ROS1: variants seen among roughly 807,000 people sequenced by gnomAD.
The protein encoded by ROS1 is ROS proto-oncogene 1, receptor tyrosine kinase, also known as proto-oncogene tyrosine-protein kinase ROS.
Under a neutral mutation model 273.5 loss-of-function variants are expected in ROS1, and 263 were observed. The ratio of observed to expected loss-of-function variants is 0.96; its 90% CI spans 0.87 to 1.06. The LOEUF is 1.06. Among genes scored for constraint, ROS1 ranks in the 50% least tolerant of loss-of-function variants. The pLI is 0.00. For missense variants in ROS1, 2,833 were observed against 2,751.1 expected (o/e 1.03, Z -0.67); for synonymous variants, 1,008 against 954.1 (o/e 1.06, Z -1.04).
rs764751833 is a variant in ROS1, at chr6:117,288,685, C to T, written c.6833G>A (p.Gly2278Asp). ...YMVLATECGQGEEKSEGPLGS... is the reference protein window; with the variant it reads ...YMVLATECGQDEEKSEGPLGS... ...TAGAGGACCCTCAGACTTTTCTTCA[C>T]CTTGGCCACATTCTGTAGCAAGTAC... The change falls in exon 44 of 44, where the codon GGT becomes GAT. Residue 2278 changes from glycine (G) to aspartate (D), a missense_variant. By Grantham distance (94) the Gly-to-Asp change is moderately conservative. Coordinates refer to ENST00000368507, the MANE Select transcript of ROS1 (RefSeq NM_001378902.1). 1 of 1,614,034 alleles carries T rather than the reference C, an allele frequency of 6.2e-7. No homozygotes were observed. The highest frequency in any genetic ancestry group is 8.5e-7 in the Non-Finnish European group (1 of 1,180,034).
chr6:117,402,477 T>C (rs9385010), intron 7 of ROS1, among the ~76,000 whole-genome samples: 90,157 of 152,102 alleles, frequency 0.59, 28,227 homozygotes, highest in African/African-American at 0.81. Context: ...TTTCCAATCC[T>C]CTAAATGACA....
At chr6:117,335,943 A>G (rs909981652) in intron 32 of ROS1, among the ~76,000 whole-genome samples, 3 of 152,152 alleles carry the variant, frequency 2.0e-5, no homozygotes, top group South Asian at 2.1e-4. Context: ...CTGCACATGT[A>G]TCTTATTTTT....
At chr6:117,371,531 T>C (rs1233995716) in intron 18 of ROS1, among the ~76,000 whole-genome samples, 1 of 152,178 alleles carries the variant, frequency 6.6e-6, no homozygotes, top group African/African-American at 2.4e-5. Flanking sequence ...AAGTTCCAGC[T>C]GAACTTTGTA....
intron 4 of ROS1, among the ~76,000 whole-genome samples, chr6:117,411,138 A>T (rs1774870400): frequency 6.6e-6 from 1 of 152,154 alleles, no homozygotes; most frequent in South Asian, 2.1e-4. Flanking sequence ...GGGGAAATCG[A>T]TAATAAAATT....
chr6:117,395,279 T>A (rs1304536546), intron 9 of ROS1, among the ~76,000 whole-genome samples: 3 of 152,202 alleles, frequency 2.0e-5, no homozygotes, highest in African/African-American at 7.2e-5. Context: ...TTAGGGTATT[T>A]AATGAATGTT....
intron 17 of ROS1, among the ~76,000 whole-genome samples, chr6:117,382,302 G>A (rs966981533): frequency 6.6e-6 from 1 of 151,880 alleles, no homozygotes; most frequent in Non-Finnish European, 1.5e-5. Flanking sequence ...TGCAAATCAG[G>A]TCTCTTTAAA....
At position 117,338,572 on chromosome 6, in the gene ROS1, G is replaced by A. The variant is rs185303126; in HGVS notation, c.5062-1232C>T. Among the ~76,000 whole-genome samples, 172 of 151,462 alleles carry A rather than the reference G, an allele frequency of 1.1e-3. 1 individual carries two copies. Among genetic ancestry groups the A allele is most frequent in the African/African-American group, 4.0e-3 (166 of 41,410 alleles). On this transcript the variant is annotated intron_variant, in intron 31 of 43. Transcript: ENST00000368507. ...AAAAGTCTTAACTCTTTATGGTTCT[G>A]TCTCCTTCATTATCTGGTGGAGAAA...
rs138376257 is a variant in ROS1, at chr6:117,310,139, G to T, written c.6358C>A (p.Arg2120=). Residue 2120 remains arginine (R), a synonymous_variant, in exon 41 of 44, where the codon CGG becomes AGG. Transcript: ENST00000368507. ...RKRGEGLLPV[R]WMAPESLMDG... ...ATCAAACTTTCTGGAGCCATCCACC[G>T]AACTGGGAGCAGGCCTTCCCCTCTC... is the stretch of plus-strand genomic sequence containing the variant. 1.9e-6 allele frequency: 3 copies of T among 1,613,378 alleles called. No individual in the cohort carries two copies. The highest frequency in any genetic ancestry group is 1.7e-6 in the Non-Finnish European group (2 of 1,179,588).
chr6:117,416,354 A>C, intron 2 of ROS1, 37 bp from the exon 3 acceptor site: 1 of 1,373,762 alleles, frequency 7.3e-7, no homozygotes, highest in Non-Finnish European at 1.0e-6. Context: ...TGAGTGATTG[A>C]AGAAATGTGA....
At chr6:117,330,937 C>T (rs1157739559) in intron 32 of ROS1, among the ~76,000 whole-genome samples, 1 of 152,148 alleles carries the variant, frequency 6.6e-6, no homozygotes, top group Non-Finnish European at 1.5e-5. Context: ...GCCTCTTCTC[C>T]TCTAAATGAT....
At position 117,425,520 on chromosome 6, in the gene ROS1, AT is replaced by A. The variant is rs1362301542; in HGVS notation, c.123+13del. ...TAGTTCCTGCAAAGACAAATATTAGATTGTGAGACTTACCAGATTAGTTACA... is the reference window on the plus strand; with the variant it reads ...TAGTTCCTGCAAAGACAAATATTAGATGTGAGACTTACCAGATTAGTTACA... On this transcript the variant is annotated intron_variant, in intron 1 of 43. Transcript: ENST00000368507. 1.3e-6 allele frequency: 2 copies of A among 1,576,064 alleles called. No individual in the cohort carries two copies. The highest frequency in any genetic ancestry group is 1.2e-5 in the South Asian group (1 of 82,918).
intron 43 of ROS1, among the ~76,000 whole-genome samples, chr6:117,290,631 A>T (rs971446105): frequency 3.9e-4 from 59 of 152,084 alleles, no homozygotes; most frequent in African/African-American, 1.4e-3. Context: ...GAGCATTTAG[A>T]TTTGTTTCCT....
intron 17 of ROS1, among the ~76,000 whole-genome samples, chr6:117,381,619 C>G (rs544883287): frequency 2.0e-5 from 3 of 151,990 alleles, no homozygotes; most frequent in African/African-American, 7.2e-5. Flanking sequence ...ATTTATACCA[C>G]ATTTTCTTTA....
Position 117,341,239 on chromosome 6 carries a change from G to T in ROS1, c.4957C>A (p.Pro1653Thr), listed in dbSNP as rs184429367. Residue 1653 changes from proline (P) to threonine (T), a missense_variant, in exon 31 of 44, where the codon CCA becomes ACA. Transcript: ENST00000368507. Reference sequence around the variant, plus strand: ...GGAACCAAGGAATAAGGTTTCTCTGGTGTGTTAAACATTTCCACAGTGACA... The same window carrying T: ...GGAACCAAGGAATAAGGTTTCTCTGTTGTGTTAAACATTTCCACAGTGACA... ...HPVTVEMFNT[P>T]EKPYSLVPEN... 3.2e-4 allele frequency: 520 copies of T among 1,613,456 alleles called. 4 individuals are homozygous for T. The Admixed American group carries it at 8.2e-3, about 25-fold the overall frequency.
At chr6:117,346,353 GGTAAA>G (rs1309063368) in intron 27 of ROS1, among the ~76,000 whole-genome samples, 4 of 151,728 alleles carry the variant, frequency 2.6e-5, no homozygotes, top group East Asian at 1.9e-4. Context: ...AGCAGATGGA[GGTAAA>G]GTATTCTTAA....
chr6:117,387,943 T>G lies in ROS1; in HGVS notation c.1836A>C (p.Gln612His), dbSNP rs752848792. Residue 612 changes from glutamine to histidine, a missense_variant, in exon 14 of 44, where the codon CAA becomes CAC. Gln to His is a conservative substitution (Grantham distance 24, BLOSUM62 0). Transcript: ENST00000368507. ...AAATATGAGTGACTTCAGGAGGGTC[T>G]TGGGTGGATACTTTCACCTCATAGG... is the stretch of plus-strand genomic sequence containing the variant. ...NWTYEVKVSTQDPPEVTHIFL... is the reference protein window; with the variant it reads ...NWTYEVKVSTHDPPEVTHIFL... The G allele has an allele frequency of 6.2e-7, 1 of 1,614,184 alleles. No homozygotes were observed. Among genetic ancestry groups the G allele is most frequent in the Non-Finnish European group, 8.5e-7 (1 of 1,180,018 alleles).
intron 17 of ROS1, among the ~76,000 whole-genome samples, chr6:117,380,260 A>G (rs1772015924): frequency 1.3e-5 from 2 of 152,160 alleles, no homozygotes; most frequent in Admixed American, 6.5e-5. Context: ...AGATGTGAAA[A>G]GACTACAATA....
chr6:117,381,232 T>A (rs1043495004), intron 17 of ROS1, among the ~76,000 whole-genome samples: 2 of 151,308 alleles, frequency 1.3e-5, no homozygotes, highest in Non-Finnish European at 3.0e-5. Flanking sequence ...TTATTATATA[T>A]ATATTTTTAA....
chr6:117,297,260 A>T (rs1774316271), intron 43 of ROS1, among the ~76,000 whole-genome samples: 1 of 152,206 alleles, frequency 6.6e-6, no homozygotes, highest in South Asian at 2.1e-4. Context: ...GAAACTGTGA[A>T]AATACTAGAA....
Sources: allele counts gnomAD v4.1 joint callset (sites outside exome capture counted in the v4.1 genomes callset), GRCh38; gene constraint gnomAD v4.1.1; transcripts MANE v1.5; gene names NCBI Gene and HGNC (gene_info 2026-07-23, HGNC 2026-07-21).